PCBP3: variants seen among roughly 807,000 people sequenced by gnomAD.
PCBP3 encodes the protein poly(rC)-binding protein 3.
Under a neutral mutation model 52.7 loss-of-function variants are expected in PCBP3, and 25 were observed. The observed-to-expected ratio is 0.47, with a 90% CI of 0.35 to 0.66. The LOEUF (loss-of-function observed/expected upper bound fraction) is 0.66, where lower values mean the gene tolerates loss of function less well. Among genes scored for constraint, PCBP3 ranks in the 30% least tolerant of loss-of-function variants. The probability of loss-of-function intolerance (pLI) is 0.01; values close to 1 mark genes in which losing one functional copy is unlikely to be tolerated. For synonymous variants in PCBP3, 162 were observed against 183.0 expected, an observed-to-expected ratio of 0.89 and a Z score of 0.93; for missense variants, 391 against 490.3, an observed-to-expected ratio of 0.80 and a Z score of 1.91.
In PCBP3 at chr21:45,901,068, C is replaced by T. The variant is rs761181664; in HGVS notation, c.294C>T (p.Asp98=). 22 of 1,613,886 alleles carry T rather than the reference C, an allele frequency of 1.4e-5. No individual in the cohort carries two copies. The highest frequency in any genetic ancestry group is 8.9e-5 in the East Asian group (4 of 44,886). ...ERIVTITGPT[D]AIFKAFAMIA... ...TTGTGACCATCACAGGCCCCACAGA[C>T]GCCATCTTCAAGGCCTTTGCCATGA... The change falls in exon 9 of 18, where the codon GAC becomes GAT. Residue 98 remains aspartate, a synonymous_variant. Transcript: ENST00000681687.
chr21:45,892,247 G>T (rs954967225), intron 5 of PCBP3, among the ~76,000 whole-genome samples: 2 of 152,192 alleles, frequency 1.3e-5, no homozygotes. Flanking sequence ...CAGAGGGTGC[G>T]GCAGTCACCG....
intron 5 of PCBP3, among the ~76,000 whole-genome samples, chr21:45,895,647 C>T (rs1175133174): frequency 2.6e-5 from 4 of 152,244 alleles, no homozygotes; most frequent in Non-Finnish European, 5.9e-5. Context: ...GCTTGGAAGG[C>T]ACTTGCCGAG....
intron 5 of PCBP3, among the ~76,000 whole-genome samples, chr21:45,856,653 A>C (rs1245747485): frequency 6.6e-6 from 1 of 152,068 alleles, no homozygotes; most frequent in African/African-American, 2.4e-5. Flanking sequence ...CATGATCGCA[A>C]GTTTCCTGAT....
In PCBP3 at chr21:45,793,604, C is replaced by T. The variant is rs188835398; in HGVS notation, c.-126+38152C>T. Among the ~76,000 whole-genome samples, 87 of 152,250 alleles carry T rather than the reference C, an allele frequency of 5.7e-4. 2 individuals carry two copies. The highest frequency in any genetic ancestry group is 3.4e-3 in the Middle Eastern group (1 of 294). ...CAGTATTGAGTGGGCGCGGGGAAAA[C>T]ATGGCTGCCAGGACCTGTGAGGACC... On this transcript the variant is annotated intron_variant, in intron 4 of 17. Coordinates refer to ENST00000681687, the MANE Select transcript of PCBP3 (RefSeq NM_001384156.1).
chr21:45,643,772 C>T lies in PCBP3; in HGVS notation c.-375C>T, dbSNP rs1423321114. ...TCGCCGCCGCTTCGGCTGACTTAGG[C>T]TCCGCCGCCGCCTCCTCACCCGCCT... On this transcript the variant is annotated 5_prime_UTR_variant, in exon 1 of 18. Coordinates refer to ENST00000681687, the MANE Select transcript of PCBP3 (RefSeq NM_001384156.1). 2 of 148,568 alleles carry T rather than the reference C, an allele frequency of 1.3e-5. No individual in the cohort carries two copies. Among genetic ancestry groups the T allele is most frequent in the South Asian group, 2.0e-4 (1 of 4,908 alleles). The allele number at this position is 148,568 out of a possible 1,614,324, so 9.2% of individuals were successfully genotyped here.
intron 5 of PCBP3, among the ~76,000 whole-genome samples, chr21:45,895,759 G>A (rs1470134200): frequency 2.0e-5 from 3 of 152,252 alleles, no homozygotes; most frequent in Non-Finnish European, 2.9e-5. Flanking sequence ...GTGAAGGGCC[G>A]GCTCCCACAC....
Position 45,917,870 on chromosome 21 carries a change from G to A in PCBP3, c.717+241G>A, listed in dbSNP as rs927274703. On this transcript the variant is annotated intron_variant, in intron 13 of 17. Coordinates refer to ENST00000681687, the MANE Select transcript of PCBP3 (RefSeq NM_001384156.1). This position sits in a 1 kb window ranked among gnomAD's most constrained non-coding sequence, Gnocchi z 5.3. Reference sequence around the variant, plus strand: ...ATTGTCTCAATTCTGCCGCAGTCCTGGGTTTTCCTCCCTCCCACGGGGCCT... The same window carrying A: ...ATTGTCTCAATTCTGCCGCAGTCCTAGGTTTTCCTCCCTCCCACGGGGCCT... The A allele has an allele frequency of 9.1e-6, 5 of 550,610 alleles. No homozygotes were observed. The highest frequency in any genetic ancestry group is 1.7e-5 in the Non-Finnish European group (5 of 296,492). The allele number at this position is 550,610 out of a possible 1,614,324, so 34.1% of individuals were successfully genotyped here.
chr21:45,849,155 T>C (rs1176186745), intron 4 of PCBP3, among the ~76,000 whole-genome samples: 1 of 152,118 alleles, frequency 6.6e-6, no homozygotes, highest in Non-Finnish European at 1.5e-5. Context: ...TTCTACTCTT[T>C]CCATCCTTCC....
At chr21:45,679,890 G>C (rs1279852253) in intron 2 of PCBP3, among the ~76,000 whole-genome samples, 1 of 152,198 alleles carries the variant, frequency 6.6e-6, no homozygotes, top group Non-Finnish European at 1.5e-5. Flanking sequence ...GTGAGACTTA[G>C]ATTGAAGTTC....
At chr21:45,814,996 G>A (rs1316749740) in intron 4 of PCBP3, among the ~76,000 whole-genome samples, 2 of 115,720 alleles carry the variant, frequency 1.7e-5, no homozygotes, top group African/African-American at 3.4e-5. Flanking sequence ...TGAGTGAGTG[G>A]TGAGTGAGTG....
intron 13 of PCBP3, among the ~76,000 whole-genome samples, chr21:45,929,354 G>A (rs1402275852): frequency 6.6e-6 from 1 of 152,216 alleles, no homozygotes; most frequent in East Asian, 1.9e-4. Flanking sequence ...AAAGGCAGAT[G>A]TGTGGCCCCT....
chr21:45,867,275 C>T (rs2094776166), intron 5 of PCBP3, among the ~76,000 whole-genome samples: 1 of 152,264 alleles, frequency 6.6e-6, no homozygotes, highest in Admixed American at 6.5e-5. Flanking sequence ...GGAGCAGCAA[C>T]ATCGCTCGCA....
At position 45,940,157 on chromosome 21, in the gene PCBP3, C is replaced by G. The variant is rs1329080677; in HGVS notation, c.1037C>G (p.Thr346Ser). 12 of 1,614,066 alleles carry G rather than the reference C, an allele frequency of 7.4e-6. No individual in the cohort carries two copies. The highest frequency in any genetic ancestry group is 1.0e-5 in the Non-Finnish European group (12 of 1,179,948). Residue 346 changes from threonine to serine, a missense_variant, in exon 17 of 18, where the codon ACC (threonine) becomes AGC (serine). Thr to Ser is a moderately conservative substitution (Grantham distance 58). Transcript: ENST00000681687. ...GAGCGTCAGATCACCATCACGGGGA[C>G]CCCGGCCAACATCAGCCTTGCCCAG... Reference protein sequence around the residue: ...SSERQITITGTPANISLAQYL... With the variant: ...SSERQITITGSPANISLAQYL...
At chr21:45,908,670 C>T (rs2096266162) in intron 9 of PCBP3, among the ~76,000 whole-genome samples, 1 of 152,182 alleles carries the variant, frequency 6.6e-6, no homozygotes, top group African/African-American at 2.4e-5. Flanking sequence ...CTGTCTGCCA[C>T]GCTCTGCAGC....
Position 45,909,463 on chromosome 21 carries a change from T to G in PCBP3, c.448T>G (p.Ser150Ala). The G allele has an allele frequency of 6.2e-7, 1 of 1,613,160 alleles. No homozygotes were observed. Among genetic ancestry groups the G allele is most frequent in the South Asian group, 1.1e-5 (1 of 91,072 alleles). Residue 150 changes from serine (S) to alanine (A), a missense_variant, in exon 10 of 18, where the codon TCC becomes GCC. Transcript: ENST00000681687. Reference sequence around the variant, plus strand: ...TGGGTCCCTGATCGGCAAAGGAGGCTCCAAGATCAAGGAGATCAGGGAGGT... The same window carrying G: ...TGGGTCCCTGATCGGCAAAGGAGGCGCCAAGATCAAGGAGATCAGGGAGGT... ...QCGSLIGKGG[S>A]KIKEIRESTG...
intron 3 of PCBP3, among the ~76,000 whole-genome samples, chr21:45,745,061 T>A (rs2146145816): frequency 6.6e-6 from 1 of 152,212 alleles, no homozygotes; most frequent in African/African-American, 2.4e-5. Context: ...CAGGGTACAG[T>A]GTGAGCAGTG....
At chr21:45,705,044 G>T (rs139546401) in intron 2 of PCBP3, among the ~76,000 whole-genome samples, 354 of 152,300 alleles carry the variant, frequency 2.3e-3, no homozygotes, top group African/African-American at 7.6e-3. Flanking sequence ...CACCTTGCTG[G>T]CTGTGAGGAG....
At chr21:45,649,480 A>T (rs1211462328) in intron 1 of PCBP3, among the ~76,000 whole-genome samples, 1 of 152,062 alleles carries the variant, frequency 6.6e-6, no homozygotes, top group Non-Finnish European at 1.5e-5. Flanking sequence ...CCAATTTTAA[A>T]TTTTTTCCAA....
intron 5 of PCBP3, among the ~76,000 whole-genome samples, chr21:45,860,167 C>A (rs1419327060): frequency 1.5e-5 from 1 of 66,804 alleles, no homozygotes; most frequent in East Asian, 2.5e-3. Context: ...GGTGCCCTCT[C>A]CAGCCGACAT....
Sources: gnomAD v4.1 joint callset for allele counts (sites outside exome capture counted in the v4.1 genomes callset) on GRCh38, gnomAD v4.1.1 for gene constraint, Gnocchi (gnomAD v3.1) non-coding constraint, MANE v1.5 for transcripts, NCBI Gene and HGNC (gene_info 2026-07-23, HGNC 2026-07-21) for gene names.